The following ROR1 variants were observed in gnomAD, a reference collection of about 807,000 sequenced individuals.
The protein encoded by ROR1 is ROR family WNT receptor 1.
In ROR1, 19 loss-of-function variants were observed where a neutral mutation model predicts 78.8. That is an observed-to-expected ratio of 0.24 (90% confidence interval 0.17 to 0.35). The LOEUF (loss-of-function observed/expected upper bound fraction) is 0.35, where lower values mean the gene tolerates loss of function less well. Among genes scored for constraint, ROR1 ranks in the 10% least tolerant of loss-of-function variants. The pLI is 1.00. For missense variants in ROR1, 917 were observed against 1,177.8 expected (o/e 0.78, Z 3.24); for synonymous variants, 386 against 433.6 (o/e 0.89, Z 1.36).
At chr1:64,137,065 C>G (rs1244511286) in intron 4 of ROR1, among the ~76,000 whole-genome samples, 1 of 152,156 alleles carries the variant, frequency 6.6e-6, no homozygotes, top group Non-Finnish European at 1.5e-5. Flanking sequence ...CTCATTTCCT[C>G]TTTACTCCTA....
At chr1:64,112,297 T>TTGGATAGTGTGTACTATTGGATAA (rs1392507514) in intron 4 of ROR1, 2 of 152,200 alleles carry the variant, frequency 1.3e-5, no homozygotes, top group Non-Finnish European at 2.9e-5. Flanking sequence ...TAAGTGCTAT[T>TTGGATAGTGTGTACTATTGGATAA]GTGATGTTTA....
chr1:63,900,447 C>A (rs1315782020), intron 1 of ROR1, among the ~76,000 whole-genome samples: 1 of 71,826 alleles, frequency 1.4e-5, no homozygotes, highest in African/African-American at 4.5e-5. Context: ...GAGTGAGACT[C>A]CATCTCAAAA....
At chr1:63,791,373 T>C (rs1644725680) in intron 1 of ROR1, among the ~76,000 whole-genome samples, 2 of 152,064 alleles carry the variant, frequency 1.3e-5, no homozygotes, top group South Asian at 4.1e-4. Context: ...GAAAAAAATA[T>C]GTCTGGGAGG....
At chr1:64,106,071 T>C (rs529147553) in intron 4 of ROR1, 9 of 152,310 alleles carry the variant, frequency 5.9e-5, no homozygotes, top group African/African-American at 2.2e-4. Flanking sequence ...TTTCATGATA[T>C]TGATTCTTCC....
chr1:64,077,572 C>G (rs1202843861), intron 4 of ROR1, among the ~76,000 whole-genome samples: 2 of 152,214 alleles, frequency 1.3e-5, no homozygotes, highest in Non-Finnish European at 2.9e-5. Flanking sequence ...AGCGTCTGGC[C>G]CACAGCTGAA....
At chr1:64,093,071 T>C (rs1348937386) in intron 4 of ROR1, among the ~76,000 whole-genome samples, 1 of 152,192 alleles carries the variant, frequency 6.6e-6, no homozygotes, top group Non-Finnish European at 1.5e-5. Flanking sequence ...AACCCTAAGC[T>C]GTCATCTAAG....
chr1:63,843,187 C>G (rs147706078), intron 1 of ROR1: 1 of 1,320,820 alleles, frequency 7.6e-7, no homozygotes, highest in African/African-American at 1.5e-5. Context: ...TGGCCAGAAC[C>G]GGCTCACAAA....
In ROR1 at chr1:63,837,637, A is replaced by G. The variant is rs534180248; in HGVS notation, c.91+63129A>G. Among the ~76,000 whole-genome samples, 5 of 152,310 alleles carry G rather than the reference A, an allele frequency of 3.3e-5. No individual in the cohort carries two copies. In the South Asian group the frequency reaches 8.3e-4, roughly 25 times the overall value. On this transcript the variant is annotated intron_variant, in intron 1 of 8. Transcript: ENST00000371079. ...GGAGTTCCAGACCAGCTTGGCCAAC[A>G]TAGTGAGACGTTGTTTCTACAAACA...
intron 1 of ROR1, chr1:63,843,393 A>G (rs1645061292): frequency 1.2e-5 from 9 of 760,522 alleles, no homozygotes; most frequent in South Asian, 9.8e-5. Flanking sequence ...GATAAACACC[A>G]GGTCCTCCTC....
intron 8 of ROR1, among the ~76,000 whole-genome samples, chr1:64,161,334 C>G (rs1649938671): frequency 6.6e-6 from 1 of 152,188 alleles, no homozygotes; most frequent in African/African-American, 2.4e-5. Context: ...CTTGCTCTTG[C>G]AGAATCCGTG....
intron 1 of ROR1, among the ~76,000 whole-genome samples, chr1:63,994,371 G>A (rs1178010924): frequency 2.0e-5 from 3 of 152,120 alleles, no homozygotes; most frequent in African/African-American, 7.2e-5. Context: ...CCTCGGCGGG[G>A]ACCTTGAGCA....
At chr1:64,160,865 C>T (rs1649920136) in intron 8 of ROR1, among the ~76,000 whole-genome samples, 1 of 152,128 alleles carries the variant, frequency 6.6e-6, no homozygotes, top group Non-Finnish European at 1.5e-5. Context: ...ATTTTGGTTA[C>T]AGCAGACGGC....
intron 2 of ROR1, among the ~76,000 whole-genome samples, chr1:64,037,311 A>G (rs1340627256): frequency 6.6e-6 from 1 of 152,206 alleles, no homozygotes; most frequent in African/African-American, 2.4e-5. Flanking sequence ...ATATGAAAAA[A>G]TGAACACTTT....
intron 8 of ROR1, among the ~76,000 whole-genome samples, chr1:64,169,423 G>C (rs1156330060): frequency 2.6e-5 from 4 of 152,276 alleles, no homozygotes. Flanking sequence ...CCCCCTTATA[G>C]AACCATCAGC....
At chr1:63,826,959 T>A (rs1644957486) in intron 1 of ROR1, among the ~76,000 whole-genome samples, 1 of 152,180 alleles carries the variant, frequency 6.6e-6, no homozygotes, top group South Asian at 2.1e-4. Flanking sequence ...ATAAAAAAAA[T>A]TTGGTACGTA....
intron 1 of ROR1, among the ~76,000 whole-genome samples, chr1:63,923,223 C>A (rs939215574): frequency 3.9e-5 from 6 of 152,154 alleles, no homozygotes; most frequent in South Asian, 2.1e-4. Context: ...GGTTCCCCCC[C>A]AAAACTTTCT....
intron 1 of ROR1, among the ~76,000 whole-genome samples, chr1:63,954,547 G>A (rs1363605227): frequency 1.3e-5 from 2 of 152,220 alleles, no homozygotes; most frequent in East Asian, 1.9e-4. Flanking sequence ...GAAAAAGAGT[G>A]TGACAGAAGT....
In ROR1 at chr1:64,177,780, A is replaced by G. The variant is rs1298707775; in HGVS notation, c.1739A>G (p.Asp580Gly). Residue 580 changes from aspartate to glycine, a missense_variant, in exon 9 of 9, where the codon GAT (aspartate) becomes GGT (glycine). Asp to Gly is a moderately conservative substitution (Grantham distance 94, BLOSUM62 -1). This residue lies in a region of ROR1 where 835 missense variants were observed against 1,069.8 expected (regional missense o/e 0.78). Transcript: ENST00000371079. ...GATGTTGGCTGCAGCAGTGATGAAG[A>G]TGGGACTGTGAAATCCAGCCTGGAC... ...HSDVGCSSDE[D>G]GTVKSSLDHG... 4.3e-6 allele frequency: 7 copies of G among 1,614,026 alleles called. No individual in the cohort carries two copies. Among genetic ancestry groups the G allele is most frequent in the Non-Finnish European group, 5.9e-6 (7 of 1,180,006 alleles).
intron 6 of ROR1, among the ~76,000 whole-genome samples, chr1:64,141,913 A>G (rs1314717550): frequency 1.3e-5 from 2 of 152,082 alleles, no homozygotes; most frequent in African/African-American, 4.8e-5. Context: ...TGCCGACCCC[A>G]TCAGCACAGA....
Sources: allele counts gnomAD v4.1 joint callset (sites outside exome capture counted in the v4.1 genomes callset), GRCh38; gene constraint gnomAD v4.1.1; regional missense constraint gnomAD v4.1.1; transcripts MANE v1.5; gene names NCBI Gene and HGNC (gene_info 2026-07-23, HGNC 2026-07-21).